Variants in KCNMA1 observed in about 807,000 individuals in gnomAD.
KCNMA1 encodes Calcium-activated potassium channel subunit alpha-1.
A neutral mutation model predicts 140.0 loss-of-function variants in KCNMA1; 29 were observed. The observed-to-expected ratio is 0.21, with a 90% CI of 0.15 to 0.28. The LOEUF (loss-of-function observed/expected upper bound fraction) is 0.28. Ranked by LOEUF, KCNMA1 falls within the 10% of genes least tolerant of loss-of-function variation. The pLI is 1.00. For missense variants in KCNMA1, 880 were observed against 1,602.2 expected, an observed-to-expected ratio of 0.55 and a Z score of 7.70; for synonymous variants, 612 against 611.9, an observed-to-expected ratio of 1.00 and a Z score of 0.00.
At chr10:76,899,905 C>A (rs1029977064) in intron 25 of KCNMA1, among the ~76,000 whole-genome samples, 9 of 151,896 alleles carry the variant, frequency 5.9e-5, no homozygotes, top group African/African-American at 1.9e-4. Context: ...AAAGTAGGAT[C>A]CCCAAAACAC....
rs76929388 is a variant in KCNMA1, at chr10:76,995,146, G to A, written c.2266+6261C>T. ...GCGGGCTGGGGGATTCTCCAGCTCC[G>A]TGAGCCGCACGCTCCCACAGATGTT... On this transcript the variant is annotated intron_variant, in intron 19 of 27. Transcript: ENST00000286628. The A allele has an allele frequency of 8.0e-4, 126 of 158,280 alleles. 1 individual carries two copies. Among genetic ancestry groups the A allele is most frequent in the African/African-American group, 2.5e-3 (105 of 41,596 alleles). 9.8% of individuals were successfully genotyped at this position (158,280 alleles called of 1,614,324 possible). A position where few individuals can be genotyped will look rare whatever the true frequency, so the allele number is the denominator to read the frequency against.
At chr10:77,125,827 C>T (rs191643823) in intron 5 of KCNMA1, among the ~76,000 whole-genome samples, 7 of 152,294 alleles carry the variant, frequency 4.6e-5, no homozygotes, top group Non-Finnish European at 5.9e-5. Flanking sequence ...AATAATTAGA[C>T]GGCGGAGTTA....
chr10:77,128,363 A>ATTT (rs2097784189), intron 5 of KCNMA1, among the ~76,000 whole-genome samples: 1 of 143,620 alleles, frequency 7.0e-6, no homozygotes. Context: ...TTTTTTTAAA[A>ATTT]TTTTTTTGGC....
At chr10:76,960,420 T>C (rs558491937) in intron 20 of KCNMA1, among the ~76,000 whole-genome samples, 1 of 151,862 alleles carries the variant, frequency 6.6e-6, no homozygotes, top group African/African-American at 2.4e-5. Flanking sequence ...ACGCCTGCAG[T>C]CCCAGGTACT....
At chr10:77,519,522 C>T (rs139553366) in intron 1 of KCNMA1, among the ~76,000 whole-genome samples, 102 of 152,112 alleles carry the variant, frequency 6.7e-4, no homozygotes, top group South Asian at 2.1e-3. Context: ...TGATTATTTG[C>T]GGGCACTGGT....
chr10:76,939,477 C>T (rs2061453188), intron 23 of KCNMA1: 1 of 152,066 alleles, frequency 6.6e-6, no homozygotes, highest in Admixed American at 6.6e-5. Context: ...ACCAAGGATC[C>T]CTTTGTGTTC....
intron 2 of KCNMA1, among the ~76,000 whole-genome samples, chr10:77,387,527 G>GTTCTT (rs57906683): frequency 0.17 from 23,010 of 139,252 alleles, 2,170 homozygotes; most frequent in East Asian, 0.31. Context: ...TCATGGAATT[G>GTTCTT]TTCTTTTCTT....
At chr10:77,025,279 T>TATATATATATATATATAC (rs1555137436) in intron 16 of KCNMA1, among the ~76,000 whole-genome samples, 2 of 132,390 alleles carry the variant, frequency 1.5e-5, no homozygotes, top group South Asian at 5.1e-4. Context: ...TATATATATA[T>TATATATATATATATATAC]ATACACACAC....
intron 16 of KCNMA1, among the ~76,000 whole-genome samples, chr10:77,023,853 T>C (rs1421987579): frequency 6.6e-6 from 1 of 152,092 alleles, no homozygotes; most frequent in African/African-American, 2.4e-5. Context: ...CAGTTGTGTA[T>C]TTCATATGTC....
intron 1 of KCNMA1, among the ~76,000 whole-genome samples, chr10:77,506,620 T>TGGG (rs1567212074): frequency 9.6e-6 from 1 of 104,098 alleles, no homozygotes; most frequent in African/African-American, 4.0e-5. Context: ...TGTGTGTGTG[T>TGGG]TAGAGAGGGA....
intron 1 of KCNMA1, among the ~76,000 whole-genome samples, chr10:77,412,031 C>T (rs746055954): frequency 6.6e-6 from 1 of 152,196 alleles, no homozygotes; most frequent in African/African-American, 2.4e-5. Context: ...CCTGACGCAC[C>T]TGAGTGGGAG....
chr10:77,539,085 G>A (rs2059582641), intron 1 of KCNMA1, among the ~76,000 whole-genome samples: 1 of 152,050 alleles, frequency 6.6e-6, no homozygotes, highest in Non-Finnish European at 1.5e-5. Context: ...GAAGAAGCTG[G>A]AGACTCTGAG....
At chr10:77,485,647 A>G (rs2098451702) in intron 1 of KCNMA1, among the ~76,000 whole-genome samples, 1 of 152,198 alleles carries the variant, frequency 6.6e-6, no homozygotes, top group African/African-American at 2.4e-5. Context: ...CATAGAGAAG[A>G]CAGTGGCTGT....
At chr10:77,137,106 A>T (rs1446512400) in intron 5 of KCNMA1, among the ~76,000 whole-genome samples, 2 of 142,514 alleles carry the variant, frequency 1.4e-5, no homozygotes, top group African/African-American at 5.3e-5. Flanking sequence ...AAATTGAGGG[A>T]TAAACAGGTA....
intron 2 of KCNMA1, among the ~76,000 whole-genome samples, chr10:77,283,649 G>A (rs1046655788): frequency 1.3e-5 from 2 of 152,184 alleles, no homozygotes; most frequent in South Asian, 2.1e-4. Flanking sequence ...ATGGCAGAAC[G>A]TGGGTGTTTA....
At chr10:77,321,924 C>T (rs769684262) in intron 2 of KCNMA1, among the ~76,000 whole-genome samples, 118 of 152,306 alleles carry the variant, frequency 7.7e-4, no homozygotes, top group Non-Finnish European at 1.5e-3. Flanking sequence ...ATGATACCAA[C>T]TGCATTAATC....
chr10:76,960,646 T>TTA (rs1565205821), intron 20 of KCNMA1, among the ~76,000 whole-genome samples: 1 of 139,990 alleles, frequency 7.1e-6, no homozygotes, highest in African/African-American at 2.6e-5. Context: ...TTTTTTTTTT[T>TTA]ACAAATTGAA....
chr10:77,601,408 T>G (rs2082594567), intron 1 of KCNMA1, among the ~76,000 whole-genome samples: 1 of 152,176 alleles, frequency 6.6e-6, no homozygotes, highest in Non-Finnish European at 1.5e-5. Flanking sequence ...GACTAATGTG[T>G]GATGTCCACT....
intron 3 of KCNMA1, among the ~76,000 whole-genome samples, chr10:77,199,555 A>G (rs557705479): frequency 4.8e-4 from 73 of 152,348 alleles, no homozygotes; most frequent in African/African-American, 1.8e-3. Flanking sequence ...CTGCTTTGTT[A>G]GTGGCCAGCA....
Sources: gnomAD v4.1 joint callset for allele counts (sites outside exome capture counted in the v4.1 genomes callset) on GRCh38, gnomAD v4.1.1 for gene constraint, MANE v1.5 for transcripts, NCBI Gene and HGNC (gene_info 2026-07-23, HGNC 2026-07-21) for gene names.